ADGRL3: variants seen among roughly 807,000 people sequenced by gnomAD.
The protein encoded by ADGRL3 is calcium-independent alpha-latrotoxin receptor 3.
ADGRL3 carries 62 observed loss-of-function variants against 153.5 expected under a neutral mutation model. The ratio of observed to expected loss-of-function variants is 0.40; its 90% confidence interval spans 0.33 to 0.50. ADGRL3 has a LOEUF of 0.50. Among genes scored for constraint, ADGRL3 ranks in the 20% least tolerant of loss-of-function variants. ADGRL3 has a pLI of 0.47. For synonymous variants in ADGRL3, 710 were observed against 672.5 expected (o/e 1.06, Z -0.86); for missense variants, 1,641 against 1,859.4 (o/e 0.88, Z 2.16).
At chr4:61,301,464 G>A (rs2094578620) in intron 1 of ADGRL3, among the ~76,000 whole-genome samples, 1 of 152,124 alleles carries the variant, frequency 6.6e-6, no homozygotes, top group African/African-American at 2.4e-5. Flanking sequence ...AGATTTTAAG[G>A]GGAAAATCAG....
chr4:61,296,722 T>C (rs1175367106), intron 1 of ADGRL3, among the ~76,000 whole-genome samples: 2 of 152,196 alleles, frequency 1.3e-5, no homozygotes, highest in Non-Finnish European at 2.9e-5. Flanking sequence ...TTTCAAAATA[T>C]AGTATCATTA....
chr4:61,767,963 A>T, intron 8 of ADGRL3, among the ~76,000 whole-genome samples: 1 of 152,068 alleles, frequency 6.6e-6, no homozygotes, highest in East Asian at 1.9e-4. Context: ...TTGGAGTTTT[A>T]TTTAATGTCG....
At chr4:61,608,529 A>AT (rs541798436) in intron 5 of ADGRL3, among the ~76,000 whole-genome samples, 141 of 152,258 alleles carry the variant, frequency 9.3e-4, no homozygotes, top group African/African-American at 3.2e-3. Context: ...TTCAGTCCAC[A>AT]TTTTTTTAAT....
intron 2 of ADGRL3, among the ~76,000 whole-genome samples, chr4:61,450,199 T>C: frequency 6.6e-6 from 1 of 152,190 alleles, no homozygotes; most frequent in Non-Finnish European, 1.5e-5. Context: ...AATTATTTTT[T>C]AACTTCCTTT....
intron 1 of ADGRL3, among the ~76,000 whole-genome samples, chr4:61,303,203 A>G (rs2094641070): frequency 1.3e-5 from 2 of 152,186 alleles, no homozygotes; most frequent in African/African-American, 2.4e-5. Flanking sequence ...TTTACTTTCA[A>G]AGACTGGGAG....
Position 61,326,256 on chromosome 4 carries a change from T to A in ADGRL3, c.-239-56868T>A, listed in dbSNP as rs186152520. ...GGGTATAAGAAGATGAATTAGCCGG[T>A]TTTTTTCCTCTAGGACCTAAATATC... On this transcript the variant is annotated intron_variant, in intron 1 of 26. Transcript: ENST00000683033. Among the ~76,000 whole-genome samples, 370 of 152,198 alleles carry A rather than the reference T, an allele frequency of 2.4e-3. 3 individuals carry two copies. The highest frequency in any genetic ancestry group is 8.7e-3 in the African/African-American group (362 of 41,548).
At chr4:61,907,282 AC>A (rs2098700445) in intron 11 of ADGRL3, among the ~76,000 whole-genome samples, 1 of 151,860 alleles carries the variant, frequency 6.6e-6, no homozygotes, top group Non-Finnish European at 1.5e-5. Flanking sequence ...AGTTTTTGAG[AC>A]ACTCTTGCTC....
intron 5 of ADGRL3, among the ~76,000 whole-genome samples, chr4:61,670,807 A>G (rs947969090): frequency 6.6e-6 from 1 of 152,120 alleles, no homozygotes; most frequent in Non-Finnish European, 1.5e-5. Flanking sequence ...TGGCCATAGT[A>G]ACTCCATCTT....
intron 21 of ADGRL3, among the ~76,000 whole-genome samples, chr4:62,010,144 T>G (rs926490485): frequency 2.0e-5 from 3 of 152,146 alleles, no homozygotes; most frequent in East Asian, 3.9e-4. Flanking sequence ...TAGGCATGAT[T>G]GATTCAACAT....
At chr4:61,227,277 C>G (rs1249175003) in intron 1 of ADGRL3, among the ~76,000 whole-genome samples, 1 of 152,058 alleles carries the variant, frequency 6.6e-6, no homozygotes, top group African/African-American at 2.4e-5. Context: ...CTGATCATGG[C>G]TCATGGCAGT....
At chr4:62,060,663 C>T (rs540454980) in intron 25 of ADGRL3, among the ~76,000 whole-genome samples, 15 of 151,932 alleles carry the variant, frequency 9.9e-5, no homozygotes, top group African/African-American at 3.1e-4. Context: ...ACTAAATCCT[C>T]TTATTAATCT....
chr4:61,940,019 C>T (rs576348201), intron 15 of ADGRL3, among the ~76,000 whole-genome samples: 149 of 141,952 alleles, frequency 1.0e-3, no homozygotes, highest in African/African-American at 3.0e-3. Context: ...CATGCTGGTG[C>T]GCTGCACCCA....
At chr4:61,814,587 TA>T (rs1202898205) in intron 9 of ADGRL3, among the ~76,000 whole-genome samples, 1 of 152,204 alleles carries the variant, frequency 6.6e-6, no homozygotes, top group East Asian at 1.9e-4. Flanking sequence ...ATTCCAAGGT[TA>T]ACTTTTTGGT....
At chr4:61,458,649 T>C (rs956880721) in intron 2 of ADGRL3, among the ~76,000 whole-genome samples, 2 of 151,550 alleles carry the variant, frequency 1.3e-5, no homozygotes, top group African/African-American at 4.8e-5. Context: ...TATAATGCTT[T>C]CTTGCCAAGA....
chr4:61,237,485 A>C (rs182457049), intron 1 of ADGRL3, among the ~76,000 whole-genome samples: 14 of 152,262 alleles, frequency 9.2e-5, no homozygotes, highest in African/African-American at 2.4e-4. Flanking sequence ...ACAAAATCTA[A>C]ATCTTTTGTC....
intron 5 of ADGRL3, among the ~76,000 whole-genome samples, chr4:61,643,415 G>T (rs1580036539): frequency 6.6e-6 from 1 of 151,694 alleles, no homozygotes; most frequent in Non-Finnish European, 1.5e-5. Context: ...GTATGATATT[G>T]GCTGTGGGTT....
chr4:61,384,396 ACT>A (rs2096710945), intron 2 of ADGRL3, among the ~76,000 whole-genome samples: 1 of 150,850 alleles, frequency 6.6e-6, no homozygotes. Context: ...GATGTGATTG[ACT>A]CTTTCATTTA....
chr4:61,681,680 A>G (rs928020867), intron 6 of ADGRL3, among the ~76,000 whole-genome samples: 35 of 152,198 alleles, frequency 2.3e-4, no homozygotes, highest in African/African-American at 8.2e-4. Flanking sequence ...TTACTAAAAG[A>G]AAAATGTATT....
chr4:61,443,917 AT>A (rs1289528417), intron 2 of ADGRL3, among the ~76,000 whole-genome samples: 1 of 152,170 alleles, frequency 6.6e-6, no homozygotes, highest in Non-Finnish European at 1.5e-5. Context: ...AGTCGGTGTG[AT>A]TTTAAATACA....
Sources: gnomAD v4.1 joint callset for allele counts (sites outside exome capture counted in the v4.1 genomes callset) on GRCh38, gnomAD v4.1.1 for gene constraint, MANE v1.5 for transcripts, NCBI Gene and HGNC (gene_info 2026-07-23, HGNC 2026-07-21) for gene names.